Variants in SHB observed in about 807,000 individuals in gnomAD.
SHB encodes the protein SH2 domain containing adaptor protein B.
A neutral mutation model predicts 52.3 loss-of-function variants in SHB; 20 were observed. The ratio of observed to expected loss-of-function variants is 0.38; its 90% CI spans 0.27 to 0.56. The LOEUF (loss-of-function observed/expected upper bound fraction) is 0.56. SHB is among the 20% of genes least tolerant of loss of function. The probability of loss-of-function intolerance (pLI) is 0.71; values close to 1 mark genes in which losing one functional copy is unlikely to be tolerated. For missense variants in SHB, 825 were observed against 723.3 expected, an observed-to-expected ratio of 1.14 and a Z score of -1.61; for synonymous variants, 397 against 316.5, an observed-to-expected ratio of 1.25 and a Z score of -2.70.
At chr9:37,945,312 C>T (rs1832479629) in intron 5 of SHB, among the ~76,000 whole-genome samples, 1 of 152,234 alleles carries the variant, frequency 6.6e-6, no homozygotes, top group African/African-American at 2.4e-5. Flanking sequence ...AAAGATGGTG[C>T]TTGCTCCAGG....
At chr9:38,014,683 T>TAA (rs1821187812) in intron 2 of SHB, among the ~76,000 whole-genome samples, 1 of 152,242 alleles carries the variant, frequency 6.6e-6, no homozygotes, top group Non-Finnish European at 1.5e-5. Context: ...CACTGCTCTC[T>TAA]GCCCTGGCCC....
intron 2 of SHB, among the ~76,000 whole-genome samples, chr9:37,980,997 C>T (rs1820717245): frequency 6.6e-6 from 1 of 152,152 alleles, no homozygotes; most frequent in Admixed American, 6.5e-5. Flanking sequence ...TCACAGGGCA[C>T]GAGCAGGGTA....
At chr9:37,988,187 C>T (rs1820835505) in intron 2 of SHB, among the ~76,000 whole-genome samples, 1 of 152,180 alleles carries the variant, frequency 6.6e-6, no homozygotes, top group Admixed American at 6.5e-5. Flanking sequence ...CACTAATCCC[C>T]CCAGGGACTG....
chr9:37,952,318 A>G (rs528352573), intron 4 of SHB, among the ~76,000 whole-genome samples: 1 of 152,324 alleles, frequency 6.6e-6, no homozygotes, highest in Non-Finnish European at 1.5e-5. Flanking sequence ...AGAAGGAGCC[A>G]ATCGTGAAGA....
intron 1 of SHB, among the ~76,000 whole-genome samples, chr9:38,032,918 G>T (rs1197533943): frequency 6.6e-6 from 1 of 152,240 alleles, no homozygotes; most frequent in Non-Finnish European, 1.5e-5. Flanking sequence ...TGCTTCTCTA[G>T]AAAGAGTGAG....
chr9:37,991,341 G>A (rs1820879633), intron 2 of SHB, among the ~76,000 whole-genome samples: 2 of 152,118 alleles, frequency 1.3e-5, no homozygotes, highest in African/African-American at 4.8e-5. Flanking sequence ...ACGCTTTCAG[G>A]GACACTGCGT....
chr9:38,014,070 C>T (rs1018336540), intron 2 of SHB, among the ~76,000 whole-genome samples: 4 of 152,132 alleles, frequency 2.6e-5, no homozygotes, highest in Admixed American at 2.6e-4. Context: ...TCCTTCAGTA[C>T]CCCACCCCAA....
intron 5 of SHB, among the ~76,000 whole-genome samples, chr9:37,932,467 A>G (rs1293230148): frequency 6.6e-6 from 1 of 151,120 alleles, no homozygotes; most frequent in African/African-American, 2.4e-5. Context: ...ACAAGTCTAG[A>G]GAGCTGATGC....
At chr9:38,020,303 C>T (rs900608532) in intron 1 of SHB, among the ~76,000 whole-genome samples, 10 of 152,180 alleles carry the variant, frequency 6.6e-5, no homozygotes, top group African/African-American at 1.4e-4. Flanking sequence ...TGGCTTGGAA[C>T]GCTTGTTAAG....
chr9:38,063,800 T>G (rs1025930492), intron 1 of SHB, among the ~76,000 whole-genome samples: 8 of 151,632 alleles, frequency 5.3e-5, no homozygotes, highest in Non-Finnish European at 8.8e-5. Context: ...TGGATGTTTT[T>G]TTTTTTTTTT....
At chr9:38,007,569 G>C (rs1472524758) in intron 2 of SHB, among the ~76,000 whole-genome samples, 2 of 152,272 alleles carry the variant, frequency 1.3e-5, no homozygotes, top group East Asian at 3.9e-4. Flanking sequence ...AGGAGGATAG[G>C]AGGTCCCTGG....
chr9:38,041,551 T>G (rs1821577093), intron 1 of SHB, among the ~76,000 whole-genome samples: 1 of 151,072 alleles, frequency 6.6e-6, no homozygotes, highest in African/African-American at 2.4e-5. Flanking sequence ...CACAGGCAAG[T>G]GCAGAGGTAT....
chr9:38,047,844 G>C (rs570691376), intron 1 of SHB, among the ~76,000 whole-genome samples: 1 of 152,200 alleles, frequency 6.6e-6, no homozygotes, highest in South Asian at 2.1e-4. Flanking sequence ...TGCAGTTCCC[G>C]CACAGGTCCT....
At chr9:37,941,307 G>A (rs1414548251) in intron 5 of SHB, among the ~76,000 whole-genome samples, 2 of 152,332 alleles carry the variant, frequency 1.3e-5, no homozygotes, top group Admixed American at 6.5e-5. Context: ...ATATGCTGGA[G>A]CATATGCTAA....
intron 3 of SHB, among the ~76,000 whole-genome samples, chr9:37,959,928 C>T (rs1158864646): frequency 6.6e-6 from 1 of 152,134 alleles, no homozygotes; most frequent in Non-Finnish European, 1.5e-5. Flanking sequence ...GGCAACATAA[C>T]AGGTGCTCAA....
At chr9:37,970,850 G>A (rs866943398) in intron 3 of SHB, among the ~76,000 whole-genome samples, 1 of 152,090 alleles carries the variant, frequency 6.6e-6, no homozygotes, top group African/African-American at 2.4e-5. Flanking sequence ...GGCAGGCCCA[G>A]GTCTGTCCCT....
At chr9:37,924,137 A>G (rs1405307557) in intron 5 of SHB, among the ~76,000 whole-genome samples, 3 of 152,160 alleles carry the variant, frequency 2.0e-5, no homozygotes, top group African/African-American at 7.2e-5. Context: ...GACCTGTCTA[A>G]TGAGTCTTGT....
chr9:38,029,992 G>A (rs777857683), intron 1 of SHB, among the ~76,000 whole-genome samples: 6 of 152,190 alleles, frequency 3.9e-5, no homozygotes, highest in Non-Finnish European at 8.8e-5. Flanking sequence ...AGCATGCATT[G>A]CAACTGGTTT....
intron 1 of SHB, among the ~76,000 whole-genome samples, chr9:38,040,300 G>C (rs1215701344): frequency 6.6e-6 from 1 of 152,214 alleles, no homozygotes; most frequent in East Asian, 1.9e-4. Context: ...GCTGCCTCAA[G>C]GGTAAGACAG....
Sources: allele counts gnomAD v4.1 joint callset (sites outside exome capture counted in the v4.1 genomes callset), GRCh38; gene constraint gnomAD v4.1.1; transcripts MANE v1.5; gene names NCBI Gene and HGNC (gene_info 2026-07-23, HGNC 2026-07-21).